The following PRKCQ variants were observed in gnomAD, a reference collection of about 807,000 sequenced individuals.
PRKCQ encodes protein kinase C theta type.
In PRKCQ, 41 loss-of-function variants were observed where a neutral mutation model predicts 91.2. The ratio of observed to expected loss-of-function variants is 0.45; its 90% CI spans 0.35 to 0.58. The LOEUF is 0.58. Among genes scored for constraint, PRKCQ ranks in the 20% least tolerant of loss-of-function variants. The pLI, the probability that PRKCQ is intolerant of heterozygous loss-of-function variation, is 0.00. For synonymous variants in PRKCQ, 307 were observed against 316.9 expected (o/e 0.97, Z 0.33); for missense variants, 673 against 896.5 (o/e 0.75, Z 3.18).
At chr10:6,444,887 G>T (rs188003527) in intron 15 of PRKCQ, among the ~76,000 whole-genome samples, 5 of 152,178 alleles carry the variant, frequency 3.3e-5, no homozygotes, top group Non-Finnish European at 7.4e-5. Flanking sequence ...CCTTTGGGAG[G>T]CTGAGGCGGG....
intron 15 of PRKCQ, among the ~76,000 whole-genome samples, chr10:6,444,984 T>C (rs1198963299): frequency 2.0e-5 from 3 of 151,476 alleles, no homozygotes; most frequent in African/African-American, 7.3e-5. Flanking sequence ...ATTAGCTGGG[T>C]GTGGTGGCGC....
intron 1 of PRKCQ, among the ~76,000 whole-genome samples, chr10:6,517,491 G>A (rs1838812848): frequency 6.9e-6 from 1 of 145,662 alleles, no homozygotes; most frequent in South Asian, 2.3e-4. Context: ...CCTATTGACA[G>A]TAGCTCTACG....
the PRKCQ span, among the ~76,000 whole-genome samples, chr10:6,416,137 A>G: frequency 6.6e-6 from 1 of 152,214 alleles, no homozygotes; most frequent in Non-Finnish European, 1.5e-5. Flanking sequence ...GGATATAGCC[A>G]TTTGGATTCT....
chr10:6,476,520 G>A (rs1414362684), intron 12 of PRKCQ, among the ~76,000 whole-genome samples: 1 of 152,030 alleles, frequency 6.6e-6, no homozygotes, highest in Non-Finnish European at 1.5e-5. Context: ...TGCTTAAAAG[G>A]AAATACTATA....
chr10:6,401,721 T>C, the PRKCQ span, among the ~76,000 whole-genome samples: 1 of 152,342 alleles, frequency 6.6e-6, no homozygotes, highest in African/African-American at 2.4e-5. Flanking sequence ...CTGGGAGCTG[T>C]TGACCCGCCG....
intron 1 of PRKCQ, among the ~76,000 whole-genome samples, chr10:6,562,001 G>C (rs1264436719): frequency 1.3e-5 from 2 of 152,112 alleles, no homozygotes; most frequent in Admixed American, 1.3e-4. Context: ...AGCTTTTAAG[G>C]TTTACTTAAA....
the PRKCQ span, among the ~76,000 whole-genome samples, chr10:6,402,219 G>A: frequency 2.6e-5 from 4 of 152,044 alleles, no homozygotes; most frequent in African/African-American, 9.6e-5. Flanking sequence ...ACTAGGGGAG[G>A]GATAGCATTA....
downstream of PRKCQ, among the ~76,000 whole-genome samples, chr10:6,424,138 C>T (rs1173953504): frequency 1.3e-5 from 2 of 152,174 alleles, no homozygotes; most frequent in East Asian, 1.9e-4. Flanking sequence ...CAAACCAACA[C>T]CTTTATTATT....
intron 12 of PRKCQ, among the ~76,000 whole-genome samples, chr10:6,476,064 G>T (rs115231168): frequency 0.017 from 2,574 of 152,162 alleles, 82 homozygotes; most frequent in African/African-American, 0.059. Context: ...TCCATTATTG[G>T]AACGCTAAGC....
chr10:6,491,857 C>T (rs750584809), intron 7 of PRKCQ, 45 bp from the exon 8 acceptor site: 20 of 1,612,664 alleles, frequency 1.2e-5, no homozygotes, highest in East Asian at 2.2e-5. Context: ...CCTGGGGCCC[C>T]GACTTTGGAT....
intron 1 of PRKCQ, among the ~76,000 whole-genome samples, chr10:6,555,648 A>G (rs1242025604): frequency 6.6e-6 from 1 of 152,210 alleles, no homozygotes. Context: ...CATTATATCA[A>G]TTTCATAGCA....
At chr10:6,524,589 G>T (rs1379632548) in intron 1 of PRKCQ, among the ~76,000 whole-genome samples, 1 of 152,180 alleles carries the variant, frequency 6.6e-6, no homozygotes, top group African/African-American at 2.4e-5. Context: ...GGACAGGTAC[G>T]GGTAGACTTT....
At chr10:6,499,585 T>A (rs544821474) in intron 4 of PRKCQ, among the ~76,000 whole-genome samples, 2 of 152,236 alleles carry the variant, frequency 1.3e-5, no homozygotes, top group African/African-American at 4.8e-5. Flanking sequence ...AATAAATAAA[T>A]AAGGATAATG....
At chr10:6,454,880 G>A (rs1420415335) in intron 15 of PRKCQ, among the ~76,000 whole-genome samples, 3 of 152,142 alleles carry the variant, frequency 2.0e-5, no homozygotes, top group Non-Finnish European at 4.4e-5. Context: ...TAAAAGAAAA[G>A]AAGGGAGTGA....
chr10:6,520,124 C>G (rs1052312425), intron 1 of PRKCQ, among the ~76,000 whole-genome samples: 3 of 152,210 alleles, frequency 2.0e-5, no homozygotes, highest in Admixed American at 6.5e-5. Flanking sequence ...CCATAGACCC[C>G]TTGTCTGAGC....
intron 12 of PRKCQ, among the ~76,000 whole-genome samples, chr10:6,477,801 G>A (rs1554769396): frequency 6.6e-6 from 1 of 152,228 alleles, no homozygotes; most frequent in Non-Finnish European, 1.5e-5. Flanking sequence ...CCGGGAGGCG[G>A]AGGTTGCAGT....
rs1343887666 is a variant in PRKCQ, at chr10:6,553,507, A to AT, written c.-10+26703_-10+26704insA. 1.4e-3 allele frequency among the ~76,000 whole-genome samples: 206 copies of AT among 145,452 alleles called. 6 individuals carry two copies. The East Asian group carries it at 0.017, about 12-fold the overall frequency. ...CCTGTCTCAAAAAAAAAAAAAAAAAAAAAAAAAAAACAAACAAACAAAAGA... is the reference window on the plus strand; with the variant it reads ...CCTGTCTCAAAAAAAAAAAAAAAAAATAAAAAAAAAACAAACAAACAAAAGA... On this transcript the variant is annotated intron_variant, in intron 1 of 17. Coordinates refer to ENST00000263125, the MANE Select transcript of PRKCQ (RefSeq NM_006257.5).
intron 1 of PRKCQ, among the ~76,000 whole-genome samples, chr10:6,538,806 T>C (rs1413474843): frequency 1.3e-5 from 2 of 152,202 alleles, no homozygotes; most frequent in Non-Finnish European, 2.9e-5. Flanking sequence ...TTATTTATTT[T>C]GTAGATGGAG....
intron 1 of PRKCQ, among the ~76,000 whole-genome samples, chr10:6,536,749 G>A (rs954327304): frequency 3.3e-5 from 5 of 152,116 alleles, no homozygotes; most frequent in South Asian, 2.1e-4. Context: ...TCATCTTCCC[G>A]ACACAACACT....
Sources: gnomAD v4.1 joint callset for allele counts (sites outside exome capture counted in the v4.1 genomes callset) on GRCh38, gnomAD v4.1.1 for gene constraint, MANE v1.5 for transcripts, NCBI Gene and HGNC (gene_info 2026-07-23, HGNC 2026-07-21) for gene names.